XDH: variants seen among roughly 807,000 people sequenced by gnomAD.
XDH encodes the protein xanthine dehydrogenase, also known as xanthine dehydrogenase/oxidase.
A neutral mutation model predicts 156.1 loss-of-function variants in XDH; 138 were observed. The ratio of observed to expected loss-of-function variants is 0.88; its 90% CI spans 0.77 to 1.02. The LOEUF (loss-of-function observed/expected upper bound fraction) is 1.02. Among genes scored for constraint, XDH ranks in the 50% least tolerant of loss-of-function variants. The pLI is 0.00. For synonymous variants in XDH, 669 were observed against 625.7 expected (o/e 1.07, Z -1.03); for missense variants, 1,849 against 1,684.9 (o/e 1.10, Z -1.71).
chr2:31,363,988 C>T (rs1163368580), intron 24 of XDH, among the ~76,000 whole-genome samples, 170 bp downstream of exon 24: 1 of 152,080 alleles, frequency 6.6e-6, no homozygotes, highest in East Asian at 1.9e-4. Flanking sequence ...ATAATACGAT[C>T]ATCATTGTGC....
At chr2:31,379,203 C>T in intron 13 of XDH, among the ~76,000 whole-genome samples, 1 of 152,130 alleles carries the variant, frequency 6.6e-6, no homozygotes, top group Non-Finnish European at 1.5e-5. Context: ...GCCCAGGGAA[C>T]AAAGAGGAAG....
chr2:31,408,160 C>T (rs570499632), intron 1 of XDH, among the ~76,000 whole-genome samples: 1 of 152,344 alleles, frequency 6.6e-6, no homozygotes, highest in East Asian at 1.9e-4. Flanking sequence ...CTCCCTTCTA[C>T]TTCCCTGCCA....
rs1687181512 is a variant in XDH, at chr2:31,405,960, A to G, written c.47T>C (p.Val16Ala). The G allele has an allele frequency of 6.2e-7, 1 of 1,614,106 alleles. No homozygotes were observed. The highest frequency in any genetic ancestry group is 8.5e-7 in the Non-Finnish European group (1 of 1,179,994). ...LVFFVNGRKV[V>A]EKNADPETTL... ...TGTCTCTGGATCTGCATTTTTCTCC[A>G]CCACCTATTAAAATAAATGAAAGAA... The change falls in exon 2 of 36, where the codon GTG becomes GCG. Residue 16 changes from valine (V) to alanine (A), a missense_variant. Transcript: ENST00000379416.
At chr2:31,382,215 C>A (rs1049915828) in intron 11 of XDH, among the ~76,000 whole-genome samples, 8 of 152,044 alleles carry the variant, frequency 5.3e-5, no homozygotes, top group Non-Finnish European at 1.2e-4. Context: ...ATCAGTTGCA[C>A]GATGAAAATA....
At chr2:31,364,764 C>T (rs558318005) in intron 23 of XDH, among the ~76,000 whole-genome samples, 4 of 152,364 alleles carry the variant, frequency 2.6e-5, no homozygotes, top group Non-Finnish European at 2.9e-5. Flanking sequence ...AAGGAATCCT[C>T]TTCAGGCCCA....
chr2:31,346,869 A>C lies in XDH; in HGVS notation c.3277-26T>G, dbSNP rs45459599. ...CTAAAGTAAACACCCCCCACACCCC[A>C]GACACATCAGTCCTCTGCATTCTGT... On this transcript the variant is annotated intron_variant, in intron 29 of 35. Coordinates refer to ENST00000379416, the MANE Select transcript of XDH (RefSeq NM_000379.4). 5 of 1,613,668 alleles carry C rather than the reference A, an allele frequency of 3.1e-6. No individual in the cohort carries two copies. The East Asian group carries it at 1.1e-4, about 36-fold the overall frequency.
intron 5 of XDH, 101 bp downstream of exon 5, chr2:31,398,472 C>T: frequency 6.3e-7 from 1 of 1,595,796 alleles, no homozygotes. Flanking sequence ...GCCCTTCCTC[C>T]AAAGGGTAGT....
chr2:31,406,960 G>A (rs1242145536), intron 1 of XDH, among the ~76,000 whole-genome samples: 2 of 152,184 alleles, frequency 1.3e-5, no homozygotes, highest in Non-Finnish European at 1.5e-5. Context: ...TAGAAAGTGC[G>A]ATGTCAGTTC....
In XDH at chr2:31,405,939, T is replaced by C; in HGVS notation, c.68A>G (p.Glu23Gly). The change falls in exon 2 of 36, where the codon GAG becomes GGG. Residue 23 changes from glutamate to glycine, a missense_variant. Physicochemically the swap from Glu to Gly is moderately conservative, Grantham distance 98 (BLOSUM62 -2). Transcript: ENST00000379416. ...TCTCAGGTAGGCCAAAAGGGTTGTC[T>C]CTGGATCTGCATTTTTCTCCACCAC... is the stretch of plus-strand genomic sequence containing the variant. ...RKVVEKNADP[E>G]TTLLAYLRRK... 6.2e-7 allele frequency: 1 copy of C among 1,614,200 alleles called. No individual in the cohort carries two copies. The highest frequency in any genetic ancestry group is 8.5e-7 in the Non-Finnish European group (1 of 1,180,030).
intron 6 of XDH, 41 bp from the exon 7 acceptor site, chr2:31,388,336 G>C: frequency 6.2e-7 from 1 of 1,603,426 alleles, no homozygotes; most frequent in East Asian, 2.2e-5. Context: ...TATTTACAAA[G>C]AGTATTTGCA....
chr2:31,387,773 A>G, intron 8 of XDH, 38 bp downstream of exon 8: 1 of 1,546,330 alleles, frequency 6.5e-7, no homozygotes, highest in Non-Finnish European at 8.8e-7. Flanking sequence ...GACTCACAGT[A>G]CAGACCCGGC....
At chr2:31,342,511 A>T (rs564634184) in intron 31 of XDH, among the ~76,000 whole-genome samples, 7 of 152,320 alleles carry the variant, frequency 4.6e-5, no homozygotes, top group African/African-American at 1.7e-4. Flanking sequence ...CTATTTTGCC[A>T]GTAGCCCTTC....
At chr2:31,370,273 A>G (rs551306222) in intron 18 of XDH, 82 bp downstream of exon 18, 22 of 1,522,884 alleles carry the variant, frequency 1.4e-5, no homozygotes, top group Non-Finnish European at 1.8e-5. Flanking sequence ...ACCTTTCCAG[A>G]TCAGGAGTTT....
chr2:31,363,773 A>G (rs918014994), intron 24 of XDH, among the ~76,000 whole-genome samples: 6 of 152,142 alleles, frequency 3.9e-5, no homozygotes, highest in Non-Finnish European at 7.4e-5. Context: ...ACAGTTTGGT[A>G]TATGTTCCTT....
At chr2:31,369,803 A>G (rs750911606) in intron 18 of XDH, among the ~76,000 whole-genome samples, 1 of 152,190 alleles carries the variant, frequency 6.6e-6, no homozygotes, top group Non-Finnish European at 1.5e-5. Flanking sequence ...AGAAGTACCC[A>G]CTCATGTCTA....
At chr2:31,377,700 C>T (rs1209090747) in intron 13 of XDH, among the ~76,000 whole-genome samples, 2 of 152,078 alleles carry the variant, frequency 1.3e-5, no homozygotes, top group African/African-American at 2.4e-5. Flanking sequence ...CTCTAACCTG[C>T]CTCTCCCACC....
At chr2:31,411,211 G>A (rs1290289071) in intron 1 of XDH, among the ~76,000 whole-genome samples, 3 of 151,106 alleles carry the variant, frequency 2.0e-5, no homozygotes, top group African/African-American at 4.9e-5. Context: ...GAACCCAGGC[G>A]GCAAGGTTGC....
At chr2:31,406,027 T>G in intron 1 of XDH, 63 bp from the exon 2 acceptor site, 16 of 1,569,108 alleles carry the variant, frequency 1.0e-5, no homozygotes, top group Non-Finnish European at 1.4e-5. Flanking sequence ...CTGCAATTAA[T>G]TTCTTCCTTC....
At position 31,359,372 on chromosome 2, in the gene XDH, CA is replaced by C. The variant is rs201239874; in HGVS notation, c.2631+4785del. On this transcript the variant is annotated intron_variant, in intron 24 of 35. Transcript: ENST00000379416. ...ATGTTTAACAAAACAAAACAAAAACCAAAAAAAAAAAAACAAGGCATTTACT... is the reference window on the plus strand; with the variant it reads ...ATGTTTAACAAAACAAAACAAAAACCAAAAAAAAAAAACAAGGCATTTACT... Among the ~76,000 whole-genome samples, 955 of 132,392 alleles carry C rather than the reference CA, an allele frequency of 7.2e-3. 6 individuals are homozygous for C. The highest frequency in any genetic ancestry group is 0.016 in the African/African-American group (566 of 36,414). 86.9% of individuals were successfully genotyped at this position (132,392 alleles called of 152,430 possible).
Sources: allele counts gnomAD v4.1 joint callset (sites outside exome capture counted in the v4.1 genomes callset), GRCh38; gene constraint gnomAD v4.1.1; transcripts MANE v1.5; gene names NCBI Gene and HGNC (gene_info 2026-07-23, HGNC 2026-07-21).